The following FAM184B variants were observed in gnomAD, a reference collection of about 807,000 sequenced individuals.
The protein encoded by FAM184B is family with sequence similarity 184 member B, also known as protein FAM184B.
A neutral mutation model predicts 135.9 loss-of-function variants in FAM184B; 111 were observed. The observed-to-expected ratio is 0.82, with a 90% CI of 0.70 to 0.96. The LOEUF (loss-of-function observed/expected upper bound fraction) is 0.96. Among genes scored for constraint, FAM184B ranks in the 40% least tolerant of loss-of-function variants. The pLI is 0.00. For synonymous variants in FAM184B, 552 were observed against 524.8 expected (o/e 1.05, Z -0.71); for missense variants, 1,375 against 1,323.9 (o/e 1.04, Z -0.60).
Position 17,781,184 on chromosome 4 carries a change from C to A in FAM184B, c.116G>T (p.Cys39Phe). 1 of 1,549,408 alleles carries A rather than the reference C, an allele frequency of 6.5e-7. No homozygotes were observed. Among genetic ancestry groups the A allele is most frequent in the Non-Finnish European group, 8.7e-7 (1 of 1,145,904 alleles). Residue 39 changes from cysteine (C) to phenylalanine (F), a missense_variant, in exon 1 of 18, where the codon TGC becomes TTC. Transcript: ENST00000265018. This position sits in a 1 kb window ranked among gnomAD's most constrained non-coding sequence, Gnocchi z 6.5. ...DCDPQMHVKM[C>F]KKIAQLTKVI... ...CTTGGTGAGCTGGGCGATCTTCTTG[C>A]ACATTTTCACGTGCATCTGGGGATC...
chr4:17,744,356 C>G (rs1030723624), intron 1 of FAM184B, among the ~76,000 whole-genome samples: 6 of 151,826 alleles, frequency 4.0e-5, no homozygotes, highest in African/African-American at 1.2e-4. Context: ...GCACATTGAC[C>G]CATCTGGGGA....
chr4:17,759,478 G>C (rs1718494425), intron 1 of FAM184B, among the ~76,000 whole-genome samples: 1 of 152,020 alleles, frequency 6.6e-6, no homozygotes, highest in Non-Finnish European at 1.5e-5. Context: ...ACATTACCCA[G>C]TTTCAGGTAT....
Position 17,647,680 on chromosome 4 carries a change from C to T in FAM184B, c.2303G>A (p.Ser768Asn). The change falls in exon 12 of 18, where the codon AGC becomes AAC. Residue 768 changes from serine (S) to asparagine (N), a missense_variant. Physicochemically the swap from Ser to Asn is conservative, Grantham distance 46. Transcript: ENST00000265018. ...LRALGRQQAS[S>N]QCPGDSKDHI... ...ATCCTTGCTGTCTCCTGGACACTGG[C>T]TGCTGGCTTGCTGTCTGCCCAGAGC... The T allele has an allele frequency of 3.9e-6, 6 of 1,550,918 alleles. No individual in the cohort carries two copies. Among genetic ancestry groups the T allele is most frequent in the Middle Eastern group, 1.8e-4 (1 of 5,468 alleles).
At chr4:17,642,340 C>A (rs1715347295) in intron 12 of FAM184B, 112 bp from the exon 13 acceptor site, 2 of 1,375,672 alleles carry the variant, frequency 1.5e-6, no homozygotes, top group African/African-American at 1.5e-5. Context: ...CCCGCCCAGG[C>A]TGGAGCCTGT....
chr4:17,707,707 C>T lies in FAM184B; in HGVS notation c.972G>A (p.Lys324=). ...LKGTAKKLGE[K]LAVAKDRMML... is the part of the protein sequence containing the mutation. Reference sequence around the variant, plus strand: ...TCATTCTGTCTTTGGCAACAGCCAGCTTCTCCCCAAGTTTTTTTGCAGTGC... The same window carrying T: ...TCATTCTGTCTTTGGCAACAGCCAGTTTCTCCCCAAGTTTTTTTGCAGTGC... The change falls in exon 3 of 18, where the codon AAG becomes AAA. Residue 324 remains lysine, a synonymous_variant. Coordinates refer to ENST00000265018, the MANE Select transcript of FAM184B (RefSeq NM_015688.2). The T allele has an allele frequency of 6.4e-7, 1 of 1,551,864 alleles. No individual in the cohort carries two copies. Among genetic ancestry groups the T allele is most frequent in the Non-Finnish European group, 8.7e-7 (1 of 1,147,028 alleles).
chr4:17,664,094 C>A (rs1715988931), intron 8 of FAM184B, among the ~76,000 whole-genome samples: 2 of 152,038 alleles, frequency 1.3e-5, no homozygotes, highest in African/African-American at 4.8e-5. Flanking sequence ...ACCCGCAGAG[C>A]CTGATAGAGC....
At chr4:17,695,676 GGATGACACTAGGA>G (rs768460517) in intron 5 of FAM184B, among the ~76,000 whole-genome samples, 3 of 134,652 alleles carry the variant, frequency 2.2e-5, no homozygotes, top group Non-Finnish European at 5.2e-5. Flanking sequence ...GGAGAGGTCA[GGATGACACTAGGA>G]GAGAATGGTG....
intron 5 of FAM184B, among the ~76,000 whole-genome samples, chr4:17,696,988 A>C (rs1716880802): frequency 6.6e-6 from 1 of 152,104 alleles, no homozygotes; most frequent in African/African-American, 2.4e-5. Flanking sequence ...ATACATTATA[A>C]CGATGATAGG....
At chr4:17,635,227 G>C in intron 15 of FAM184B, 114 bp from the exon 16 acceptor site, 1 of 791,308 alleles carries the variant, frequency 1.3e-6, no homozygotes, top group Non-Finnish European at 2.0e-6. Context: ...GGGGAGGAAG[G>C]GGAAGTCAGT....
At chr4:17,767,348 C>T (rs1168395740) in intron 1 of FAM184B, among the ~76,000 whole-genome samples, 1 of 152,154 alleles carries the variant, frequency 6.6e-6, no homozygotes, top group Non-Finnish European at 1.5e-5. Flanking sequence ...GCCAGGGCTG[C>T]CAGCATGCTG....
At chr4:17,651,418 G>A (rs1250482479) in intron 11 of FAM184B, among the ~76,000 whole-genome samples, 4 of 151,546 alleles carry the variant, frequency 2.6e-5, no homozygotes, top group African/African-American at 4.8e-5. Context: ...GGCGCCTGTA[G>A]TCCCAGCTAC....
At chr4:17,648,138 C>T (rs1053937303) in intron 11 of FAM184B, among the ~76,000 whole-genome samples, 2 of 152,050 alleles carry the variant, frequency 1.3e-5, no homozygotes, top group Non-Finnish European at 2.9e-5. Context: ...TGGTTCTTCA[C>T]TCTGAACCCC....
At chr4:17,779,835 T>C (rs1363443674) in intron 1 of FAM184B, among the ~76,000 whole-genome samples, 3 of 152,258 alleles carry the variant, frequency 2.0e-5, no homozygotes, top group Non-Finnish European at 2.9e-5. Flanking sequence ...TTTCAAATCT[T>C]GTTTCTTTAA....
Position 17,709,328 on chromosome 4 carries a change from T to G in FAM184B, c.458A>C (p.Glu153Ala). The change falls in exon 2 of 18, where the codon GAG (glutamate) becomes GCG (alanine). Residue 153 changes from glutamate to alanine, a missense_variant. By Grantham distance (107) the Glu-to-Ala change is moderately radical (BLOSUM62 -1). Transcript: ENST00000265018. ...CCTCCTCTCGTAGTCAGCCTTGAGC[T>G]CCAGCATTTCCCTGGAGAGCGTGAG... is the stretch of plus-strand genomic sequence containing the variant. ...RVLTLSREML[E>A]LKADYERRLQ... The G allele has an allele frequency of 6.5e-7, 1 of 1,549,796 alleles. No individual in the cohort carries two copies.
chr4:17,698,224 T>G (rs1469360179), intron 5 of FAM184B, among the ~76,000 whole-genome samples: 1 of 152,218 alleles, frequency 6.6e-6, no homozygotes, highest in Non-Finnish European at 1.5e-5. Context: ...ACAGAGCATT[T>G]TCATAAACTC....
intron 5 of FAM184B, among the ~76,000 whole-genome samples, chr4:17,702,765 ATTCAGGGTCAGG>A (rs1717016956): frequency 6.6e-6 from 1 of 152,212 alleles, no homozygotes; most frequent in Non-Finnish European, 1.5e-5. Context: ...AGATTTACAC[ATTCAGGGTCAGG>A]TGTGGCTGAC....
intron 12 of FAM184B, among the ~76,000 whole-genome samples, chr4:17,644,261 A>G (rs1251285960): frequency 2.0e-5 from 3 of 152,212 alleles, no homozygotes; most frequent in Non-Finnish European, 4.4e-5. Context: ...CTAATACCAA[A>G]GCCTGGCAGA....
intron 12 of FAM184B, among the ~76,000 whole-genome samples, chr4:17,644,819 G>A (rs925401564): frequency 5.9e-5 from 9 of 152,196 alleles, no homozygotes; most frequent in African/African-American, 2.2e-4. Flanking sequence ...CGACATGATT[G>A]TATATCTAGA....
chr4:17,742,313 T>A (rs983925913), intron 1 of FAM184B, among the ~76,000 whole-genome samples: 1 of 151,222 alleles, frequency 6.6e-6, no homozygotes, highest in African/African-American at 2.4e-5. Context: ...TACAAAAAAT[T>A]TAAAAAATCA....
Sources: gnomAD v4.1 joint callset for allele counts (sites outside exome capture counted in the v4.1 genomes callset) on GRCh38, gnomAD v4.1.1 for gene constraint, Gnocchi (gnomAD v3.1) non-coding constraint, MANE v1.5 for transcripts, NCBI Gene and HGNC (gene_info 2026-07-23, HGNC 2026-07-21) for gene names.